ZNF469: variants seen among roughly 807,000 people sequenced by gnomAD.
ZNF469 encodes zinc finger protein 469.
A neutral mutation model predicts 1.0 loss-of-function variants in ZNF469; 1 was observed. The observed-to-expected ratio is 1.00, with a 90% CI of 0.35 to 4.73. The LOEUF is 4.73. ZNF469 is among the 30% of genes most tolerant of loss of function. The probability of loss-of-function intolerance (pLI) is 0.16; values close to 1 mark genes in which losing one functional copy is unlikely to be tolerated. For missense variants in ZNF469, 6,100 were observed against 5,356.3 expected, an observed-to-expected ratio of 1.14 and a Z score of -4.33; for synonymous variants, 2,703 against 2,363.4, an observed-to-expected ratio of 1.14 and a Z score of -4.17.
At chr16:88,139,160 G>C in the ZNF469 span, among the ~76,000 whole-genome samples, 1 of 137,056 alleles carries the variant, frequency 7.3e-6, no homozygotes, top group Non-Finnish European at 1.7e-5. Flanking sequence ...CGTCAGAGCA[G>C]AGACTGCTCT....
the ZNF469 span, among the ~76,000 whole-genome samples, chr16:88,170,990 A>T: frequency 6.6e-6 from 1 of 152,186 alleles, no homozygotes; most frequent in Non-Finnish European, 1.5e-5. This position sits in a 1 kb window ranked among gnomAD's most constrained non-coding sequence, Gnocchi z 4.2. Flanking sequence ...AGTGCATCAT[A>T]GTTAAACACT....
Position 88,429,230 on chromosome 16 carries a change from C to T in ZNF469, c.1760C>T (p.Ser587Phe), listed in dbSNP as rs1370573156. The T allele has an allele frequency of 1.3e-6, 2 of 1,549,814 alleles. No homozygotes were observed. Among genetic ancestry groups the T allele is most frequent in the Non-Finnish European group, 1.7e-6 (2 of 1,146,810 alleles). ...SLPPPRVVGA[S>F]PSESPLPSPA... is the part of the protein sequence containing the mutation. ...CCCCCACCGAGGGTAGTGGGAGCCTCCCCCAGCGAGTCCCCACTGCCGTCA... is the reference window on the plus strand; with the variant it reads ...CCCCCACCGAGGGTAGTGGGAGCCTTCCCCAGCGAGTCCCCACTGCCGTCA... Residue 587 changes from serine (S) to phenylalanine (F), a missense_variant, in exon 3 of 3, where the codon TCC (serine) becomes TTC (phenylalanine). Physicochemically the swap from Ser to Phe is radical, Grantham distance 155 (BLOSUM62 -2). Transcript: ENST00000565624.
the ZNF469 span, among the ~76,000 whole-genome samples, chr16:88,139,470 T>A: frequency 3.7e-5 from 1 of 26,980 alleles, no homozygotes; most frequent in Non-Finnish European, 1.0e-4. Context: ...GGCCTGGGGA[T>A]GTGATGAAGA....
chr16:88,427,066 CT>C (rs1905736779), intron 2 of ZNF469, among the ~76,000 whole-genome samples: 1 of 152,096 alleles, frequency 6.6e-6, no homozygotes, highest in African/African-American at 2.4e-5. Context: ...AAAGCTCCCC[CT>C]CCCTCCCCCT....
In ZNF469 at chr16:88,432,112, G is replaced by A. The variant is rs1906236551; in HGVS notation, c.4642G>A (p.Gly1548Arg). The A allele has an allele frequency of 6.4e-7, 1 of 1,550,496 alleles. No individual in the cohort carries two copies. The highest frequency in any genetic ancestry group is 8.7e-7 in the Non-Finnish European group (1 of 1,147,014). ...AAPSLPGKGSGCSVALMSHLS... is the reference protein window; with the variant it reads ...AAPSLPGKGSRCSVALMSHLS... ...CCCATCTTTGCCTGGGAAGGGGAGT[G>A]GATGTAGCGTTGCTCTTATGAGTCA... The change falls in exon 3 of 3, where the codon GGA becomes AGA. Residue 1548 changes from glycine to arginine, a missense_variant. Coordinates refer to ENST00000565624, the MANE Select transcript of ZNF469 (RefSeq NM_001367624.2).
At chr16:88,120,844 T>A in the ZNF469 span, among the ~76,000 whole-genome samples, 3 of 152,088 alleles carry the variant, frequency 2.0e-5, no homozygotes, top group East Asian at 2.0e-4. Flanking sequence ...AGAATCCAGG[T>A]GTGAGCCCCG....
the ZNF469 span, among the ~76,000 whole-genome samples, chr16:88,230,333 C>T: frequency 1.3e-5 from 2 of 152,332 alleles, no homozygotes; most frequent in East Asian, 1.9e-4. Flanking sequence ...CCTCTGGCCT[C>T]TGGGCCTGGG....
At chr16:88,391,207 A>G (rs1332346541) in intron 1 of ZNF469, among the ~76,000 whole-genome samples, 3 of 152,366 alleles carry the variant, frequency 2.0e-5, no homozygotes, top group Admixed American at 6.5e-5. Flanking sequence ...GAGCACCTCA[A>G]TGGTGCTGAG....
At chr16:88,139,332 C>G in the ZNF469 span, among the ~76,000 whole-genome samples, 1 of 151,822 alleles carries the variant, frequency 6.6e-6, no homozygotes, top group African/African-American at 2.4e-5. Context: ...CCTTTTTGCC[C>G]CCTGGCCTGG....
the ZNF469 span, among the ~76,000 whole-genome samples, chr16:88,214,241 G>C: frequency 1.3e-5 from 2 of 152,214 alleles, no homozygotes; most frequent in East Asian, 3.9e-4. Context: ...CTTGATGAGA[G>C]CACGCCCAGG....
chr16:88,177,438 G>A, the ZNF469 span: 2 of 151,916 alleles, frequency 1.3e-5, no homozygotes, highest in African/African-American at 4.8e-5. The surrounding 1 kb of genome is among the most constrained non-coding windows in gnomAD (Gnocchi z 4.8). Context: ...TTCCTTCCAT[G>A]CAAGTCCACT....
Position 88,427,586 on chromosome 16 carries a change from C to T in ZNF469, c.116C>T (p.Thr39Ile), listed in dbSNP as rs552640649. 1.2e-5 allele frequency: 18 copies of T among 1,537,210 alleles called. No homozygotes were observed. Among genetic ancestry groups the T allele is most frequent in the Non-Finnish European group, 1.3e-5 (15 of 1,146,498 alleles). The change falls in exon 3 of 3, where the codon ACC (threonine) becomes ATC (isoleucine). Residue 39 changes from threonine (T) to isoleucine (I), a missense_variant. Transcript: ENST00000565624. Reference protein sequence around the residue: ...HPSQPPLEDNTPATRTTKGAR... With the variant: ...HPSQPPLEDNIPATRTTKGAR... ...TCCCAGCCGCCACTGGAGGACAACA[C>T]CCCAGCTACCAGGACCACCAAGGGT... is the stretch of plus-strand genomic sequence containing the variant.
chr16:88,135,446 C>T, the ZNF469 span, among the ~76,000 whole-genome samples: 2 of 152,216 alleles, frequency 1.3e-5, no homozygotes, highest in Non-Finnish European at 2.9e-5. Context: ...TGGCCAGGGT[C>T]GATCTGGGCC....
chr16:88,387,941 C>T (rs1904381282), intron 1 of ZNF469, among the ~76,000 whole-genome samples: 1 of 152,272 alleles, frequency 6.6e-6, no homozygotes, highest in South Asian at 2.1e-4. Flanking sequence ...GGCTTGGGGT[C>T]CTCAGAGCTC....
At chr16:88,394,597 C>T (rs1396603893) in intron 1 of ZNF469, among the ~76,000 whole-genome samples, 3 of 152,208 alleles carry the variant, frequency 2.0e-5, no homozygotes, top group Non-Finnish European at 4.4e-5. Context: ...GTGGGGCTGA[C>T]ACTCCCGGCC....
In ZNF469 at chr16:88,433,477, C is replaced by G. The variant is rs765135685; in HGVS notation, c.6007C>G (p.Pro2003Ala). 1.9e-6 allele frequency: 3 copies of G among 1,550,406 alleles called. No homozygotes were observed. In the South Asian group the frequency reaches 3.6e-5, roughly 18 times the overall value. ...QGQGTANQLQ[P>A]ENGVSPGGTD... ...CCAAGGCACAGCCAACCAGCTTCAG[C>G]CAGAGAACGGGGTGAGCCCAGGGGG... The change falls in exon 3 of 3, where the codon CCA becomes GCA. Residue 2003 changes from proline (P) to alanine (A), a missense_variant. Physicochemically the swap from Pro to Ala is conservative, Grantham distance 27. Coordinates refer to ENST00000565624, the MANE Select transcript of ZNF469 (RefSeq NM_001367624.2).
At chr16:88,245,610 C>T in the ZNF469 span, among the ~76,000 whole-genome samples, 2 of 152,372 alleles carry the variant, frequency 1.3e-5, no homozygotes, top group East Asian at 3.9e-4. Context: ...TCACCTTCCT[C>T]ATCCTCCACA....
rs1214168989 is a variant in ZNF469, at chr16:88,428,738, C to T, written c.1268C>T (p.Pro423Leu). The T allele has an allele frequency of 8.4e-6, 13 of 1,546,954 alleles. No individual in the cohort carries two copies. Among genetic ancestry groups the T allele is most frequent in the Middle Eastern group, 1.7e-4 (1 of 6,004 alleles). The change falls in exon 3 of 3, where the codon CCG becomes CTG. Residue 423 changes from proline to leucine, a missense_variant. Transcript: ENST00000565624. ...GGGGTGGACACCAGCCCGGGGCCTC[C>T]GGACACCGAGCTGGCCGCCCCAGGG... is the stretch of plus-strand genomic sequence containing the variant. Reference protein sequence around the residue: ...ASGVDTSPGPPDTELAAPGPP... With the variant: ...ASGVDTSPGPLDTELAAPGPP...
the ZNF469 span, among the ~76,000 whole-genome samples, chr16:88,293,119 C>T: frequency 6.7e-5 from 10 of 148,832 alleles, no homozygotes; most frequent in Non-Finnish European, 6.0e-5. Context: ...GATGGGTGCA[C>T]GAATAGATGC....
Sources: allele counts gnomAD v4.1 joint callset (sites outside exome capture counted in the v4.1 genomes callset), GRCh38; gene constraint gnomAD v4.1.1; non-coding constraint Gnocchi (gnomAD v3.1); transcripts MANE v1.5; gene names NCBI Gene and HGNC (gene_info 2026-07-23, HGNC 2026-07-21).